CRHR2: variants seen among roughly 807,000 people sequenced by gnomAD.
The protein encoded by CRHR2 is corticotropin releasing hormone receptor 2.
Under a neutral mutation model 57.9 loss-of-function variants are expected in CRHR2, and 53 were observed. The ratio of observed to expected loss-of-function variants is 0.92; its 90% CI spans 0.73 to 1.15. CRHR2 has a LOEUF of 1.15. Ranked by LOEUF, CRHR2 falls within the 50% of genes most tolerant of loss-of-function variation. The probability of loss-of-function intolerance (pLI) is 0.00; values close to 1 mark genes in which losing one functional copy is unlikely to be tolerated. For synonymous variants in CRHR2, 213 were observed against 220.9 expected (o/e 0.96, Z 0.32); for missense variants, 532 against 542.6 (o/e 0.98, Z 0.19).
Position 30,655,098 on chromosome 7 carries a change from G to A in CRHR2, c.1054-18C>T. 3 of 1,612,488 alleles carry A rather than the reference G, an allele frequency of 1.9e-6. No individual in the cohort carries two copies. The highest frequency in any genetic ancestry group is 2.5e-6 in the Non-Finnish European group (3 of 1,179,130). ...AAGAAACCCTGGAAAGGAGGGAAAGGAGGGAGTGGTCAGTGACCTACCTGC... is the reference window on the plus strand; with the variant it reads ...AAGAAACCCTGGAAAGGAGGGAAAGAAGGGAGTGGTCAGTGACCTACCTGC... On this transcript the variant is annotated intron_variant, in intron 10 of 11. Coordinates refer to ENST00000471646, the MANE Select transcript of CRHR2 (RefSeq NM_001883.5).
At chr7:30,671,739 A>C (rs1008367442) in intron 2 of CRHR2, among the ~76,000 whole-genome samples, 1 of 151,576 alleles carries the variant, frequency 6.6e-6, no homozygotes, top group Non-Finnish European at 1.5e-5. Flanking sequence ...CCTGGGAGGC[A>C]GAGGTTGTGG....
chr7:30,669,406 G>A (rs1356593561), intron 2 of CRHR2, among the ~76,000 whole-genome samples: 1 of 152,144 alleles, frequency 6.6e-6, no homozygotes, highest in Non-Finnish European at 1.5e-5. Context: ...CTGAGGACAG[G>A]GCCTTGGAAT....
In CRHR2 at chr7:30,662,612, G is replaced by A. The variant is rs57022629; in HGVS notation, c.697+82C>T. 1,800 of 1,540,938 alleles carry A rather than the reference G, an allele frequency of 1.2e-3. 24 individuals are homozygous for A. In the African/African-American group the frequency reaches 0.022, roughly 19 times the overall value. ...GGGTGGAGGGCAGGGCCAGGCTCTG[G>A]TCCTTGGACCCAAGACGAAGGGAAA... is the stretch of plus-strand genomic sequence containing the variant. On this transcript the variant is annotated intron_variant, in intron 6 of 11. Coordinates refer to ENST00000471646, the MANE Select transcript of CRHR2 (RefSeq NM_001883.5).
intron 8 of CRHR2, among the ~76,000 whole-genome samples, chr7:30,658,330 G>C (rs1214265831): frequency 1.3e-5 from 2 of 152,150 alleles, no homozygotes; most frequent in Non-Finnish European, 2.9e-5. Flanking sequence ...TTCATTCAAT[G>C]AATCAATGGA....
At chr7:30,654,937 C>T in intron 11 of CRHR2, 102 bp downstream of exon 11, 2 of 1,559,834 alleles carry the variant, frequency 1.3e-6, no homozygotes, top group South Asian at 2.4e-5. Context: ...GGCTTCCTCT[C>T]CCTGGCACTC....
At chr7:30,687,810 C>T (rs1458068495) in intron 2 of CRHR2, among the ~76,000 whole-genome samples, 1 of 152,170 alleles carries the variant, frequency 6.6e-6, no homozygotes, top group Non-Finnish European at 1.5e-5. Flanking sequence ...CTGACAAACC[C>T]ACGCTGCCTC....
At chr7:30,662,909 C>T (rs1005525268) in intron 5 of CRHR2, 62 bp from the exon 6 acceptor site, 17 of 1,572,854 alleles carry the variant, frequency 1.1e-5, no homozygotes, top group Non-Finnish European at 1.5e-5. Context: ...ACATACCCAT[C>T]CCCAGGCAGG....
intron 1 of CRHR2, among the ~76,000 whole-genome samples, chr7:30,696,087 T>C (rs143921513): frequency 1.4e-3 from 215 of 152,290 alleles, no homozygotes; most frequent in African/African-American, 4.9e-3. Flanking sequence ...ACTTGTGGGA[T>C]TTAAAATTCA....
At chr7:30,679,703 C>G (rs1432128825) in intron 2 of CRHR2, among the ~76,000 whole-genome samples, 1 of 152,186 alleles carries the variant, frequency 6.6e-6, no homozygotes, top group Admixed American at 6.5e-5. Context: ...CTGAACGCTC[C>G]TGTTCTTCCC....
chr7:30,693,387 G>A lies in CRHR2; in HGVS notation c.-260-4103C>T, dbSNP rs370146189. ...AATATGCCTCTGTAATGGAGCCTCCGTGAAACCCCTCAAAGGTGGGATTGG... is the reference window on the plus strand; with the variant it reads ...AATATGCCTCTGTAATGGAGCCTCCATGAAACCCCTCAAAGGTGGGATTGG... On this transcript the variant is annotated intron_variant, in intron 1 of 13. Transcript: ENST00000341843. Among the ~76,000 whole-genome samples, 45 of 152,216 alleles carry A rather than the reference G, an allele frequency of 3.0e-4. 1 individual carries two copies. In the East Asian group the frequency reaches 5.0e-3, roughly 17 times the overall value.
chr7:30,676,282 T>A (rs1418016448), intron 2 of CRHR2, among the ~76,000 whole-genome samples: 1 of 152,232 alleles, frequency 6.6e-6, no homozygotes, highest in African/African-American at 2.4e-5. Flanking sequence ...ACCTCTGTGA[T>A]GGCCATGCCT....
In CRHR2 at chr7:30,693,625, G is replaced by T. The variant is rs1785000456; in HGVS notation, c.-260-4341C>A. ...TAGCACACTATTGAACCCAAAGAGA[G>T]GGTCATGGGAACTCTTGATTTATAT... On this transcript the variant is annotated intron_variant, in intron 1 of 13. Coordinates refer to the CRHR2 transcript ENST00000341843. Among the ~76,000 whole-genome samples the T allele has an allele frequency of 5.9e-5, 9 of 152,354 alleles. No individual in the cohort carries two copies. In the South Asian group the frequency reaches 1.9e-3, roughly 32 times the overall value.
Position 30,653,589 on chromosome 7 carries a change from G to T in CRHR2, c.1107C>A (p.Ala369=), listed in dbSNP as rs374100148. ...YCFFNGEVRS[A]VRKRWHRWQD... ...GCCAGCGGTGCCACCTCTTCCTCAC[G>T]GCTGAGCGCACCTGTGGGGAAGGCA... Residue 369 remains alanine (A), a synonymous_variant, in exon 12 of 12, where the codon GCC becomes GCA. Transcript: ENST00000471646. This position sits in a 1 kb window ranked among gnomAD's most constrained non-coding sequence, Gnocchi z 5.0. 1.2e-6 allele frequency: 2 copies of T among 1,610,814 alleles called. No homozygotes were observed. Among genetic ancestry groups the T allele is most frequent in the Non-Finnish European group, 1.7e-6 (2 of 1,179,540 alleles).
intron 3 of CRHR2, among the ~76,000 whole-genome samples, chr7:30,666,209 C>T (rs1018346129): frequency 3.3e-5 from 5 of 152,116 alleles, no homozygotes; most frequent in African/African-American, 1.2e-4. Flanking sequence ...ATGGGGCCAA[C>T]CTGCCATCCT....
At chr7:30,670,136 C>A (rs1784312695) in intron 2 of CRHR2, among the ~76,000 whole-genome samples, 1 of 152,188 alleles carries the variant, frequency 6.6e-6, no homozygotes, top group Non-Finnish European at 1.5e-5. Context: ...TACACACACA[C>A]ACACACAAAC....
intron 2 of CRHR2, among the ~76,000 whole-genome samples, chr7:30,679,746 A>C (rs922278264): frequency 1.3e-5 from 2 of 152,172 alleles, no homozygotes. Flanking sequence ...TCCCTCTGTC[A>C]TTCTTTTTAA....
chr7:30,691,769 G>A (rs1784965063), intron 1 of CRHR2, among the ~76,000 whole-genome samples: 1 of 152,174 alleles, frequency 6.6e-6, no homozygotes, highest in Non-Finnish European at 1.5e-5. Context: ...TCTTCAAGGG[G>A]CTTGTTTGGG....
intron 2 of CRHR2, among the ~76,000 whole-genome samples, chr7:30,668,878 G>T (rs1020383611): frequency 3.3e-5 from 5 of 152,204 alleles, no homozygotes; most frequent in African/African-American, 1.2e-4. Context: ...GGAAGAGGAA[G>T]CCTGCTCCCC....
chr7:30,699,990 T>C, exon 1 of CRHR2: 3 of 1,470,228 alleles, frequency 2.0e-6, no homozygotes, highest in Non-Finnish European at 2.7e-6. Flanking sequence ...GAGGAGGAGG[T>C]GTGGGACGTA....
Sources: allele counts gnomAD v4.1 joint callset (sites outside exome capture counted in the v4.1 genomes callset), GRCh38; gene constraint gnomAD v4.1.1; non-coding constraint Gnocchi (gnomAD v3.1); transcripts MANE v1.5; gene names NCBI Gene and HGNC (gene_info 2026-07-23, HGNC 2026-07-21).